Variants in XRN2 observed in about 807,000 individuals in gnomAD.
XRN2 encodes 5'-3' exoribonuclease 2, also known as DHM1-like protein.
Under a neutral mutation model 138.5 loss-of-function variants are expected in XRN2, and 44 were observed. That is an observed-to-expected ratio of 0.32 (90% CI 0.25 to 0.41). The LOEUF (loss-of-function observed/expected upper bound fraction) is 0.41. XRN2 is among the 10% of genes least tolerant of loss of function. The pLI, the probability that XRN2 is intolerant of heterozygous loss-of-function variation, is 1.00. For missense variants in XRN2, 937 were observed against 1,169.3 expected (o/e 0.80, Z 2.90); for synonymous variants, 354 against 369.4 (o/e 0.96, Z 0.48).
Position 21,386,878 on chromosome 20 carries a change from G to A in XRN2, c.2659G>A (p.Ala887Thr). Residue 887 changes from alanine to threonine, a missense_variant, in exon 29 of 30, where the codon GCT becomes ACT. Ala to Thr is a moderately conservative substitution (Grantham distance 58). Transcript: ENST00000377191. The stretch of plus-strand genomic sequence containing the variant: ...GGTACTTTCCTACAGAGGCGTTGGG[G>A]CTGAACCTCTGCTCCCATGGAACCG... ...QQQRFDRGVG[A>T]EPLLPWNRML... The A allele has an allele frequency of 6.2e-7, 1 of 1,612,572 alleles. No homozygotes were observed. Among genetic ancestry groups the A allele is most frequent in the Non-Finnish European group, 8.5e-7 (1 of 1,178,660 alleles).
At chr20:21,320,459 C>G (rs2038023687) in intron 1 of XRN2, among the ~76,000 whole-genome samples, 1 of 151,732 alleles carries the variant, frequency 6.6e-6, no homozygotes, top group African/African-American at 2.4e-5. Flanking sequence ...GCCACCACAT[C>G]CGGCTAATTT....
chr20:21,346,363 C>G, intron 16 of XRN2, 52 bp from the exon 17 acceptor site: 1 of 1,602,196 alleles, frequency 6.2e-7, no homozygotes, highest in Middle Eastern at 1.7e-4. Context: ...AGTAGACAGC[C>G]TGTTACTGAA....
chr20:21,388,992 A>T (rs1020123876), intron 29 of XRN2, among the ~76,000 whole-genome samples: 6 of 152,246 alleles, frequency 3.9e-5, no homozygotes, highest in African/African-American at 1.4e-4. Flanking sequence ...CTGTCTGTAC[A>T]TGTTGTTTAC....
At chr20:21,364,332 G>A (rs751606667) in intron 24 of XRN2, among the ~76,000 whole-genome samples, 10 of 152,098 alleles carry the variant, frequency 6.6e-5, no homozygotes, top group Non-Finnish European at 1.5e-4. Context: ...GTATCCTTAA[G>A]TATAAATCTG....
At chr20:21,334,872 A>G (rs2038263912) in intron 13 of XRN2, among the ~76,000 whole-genome samples, 2 of 152,172 alleles carry the variant, frequency 1.3e-5, no homozygotes, top group Admixed American at 1.3e-4. Flanking sequence ...AGGACACCTG[A>G]GAGGAGAAAA....
At position 21,334,117 on chromosome 20, in the gene XRN2, G is replaced by A; in HGVS notation, c.1165G>A (p.Val389Ile). 1.9e-6 allele frequency: 3 copies of A among 1,614,022 alleles called. No individual in the cohort carries two copies. The highest frequency in any genetic ancestry group is 1.7e-6 in the Non-Finnish European group (2 of 1,179,950). ...TESGYVNLQR[V>I]QMIMLAVGEV... The stretch of plus-strand genomic sequence containing the variant: ...AAGTGGTTATGTCAATCTGCAAAGA[G>A]TACAGATGATCATGTTAGCAGTTGG... Residue 389 changes from valine to isoleucine, a missense_variant, in exon 13 of 30, where the codon GTA becomes ATA. Val to Ile is a conservative substitution (Grantham distance 29). Transcript: ENST00000377191.
In XRN2 at chr20:21,363,228, T is replaced by C. The variant is rs150054841; in HGVS notation, c.2256-2193T>C. Among the ~76,000 whole-genome samples, 581 of 152,294 alleles carry C rather than the reference T, an allele frequency of 3.8e-3. 6 individuals are homozygous for C. The highest frequency in any genetic ancestry group is 0.013 in the African/African-American group (561 of 41,564). On this transcript the variant is annotated intron_variant, in intron 24 of 29. Coordinates refer to ENST00000377191, the MANE Select transcript of XRN2 (RefSeq NM_012255.5). ...GTTGCATTTTCCACTTTCTTCCTTA[T>C]TTCCCTTATTAGAAGGGGAGGCAGG...
At chr20:21,353,661 G>A (rs547249790) in intron 20 of XRN2, among the ~76,000 whole-genome samples, 8 of 151,922 alleles carry the variant, frequency 5.3e-5, no homozygotes, top group Non-Finnish European at 1.0e-4. Context: ...GTGTGGTGGT[G>A]GCATGTGCCT....
chr20:21,336,629 T>C (rs2038298092), intron 13 of XRN2, among the ~76,000 whole-genome samples: 1 of 152,172 alleles, frequency 6.6e-6, no homozygotes, highest in Admixed American at 6.5e-5. Context: ...GTGCTAGTGA[T>C]ACAGCAAAAA....
intron 21 of XRN2, 87 bp downstream of exon 21, chr20:21,354,959 T>G (rs2038558555): frequency 9.2e-7 from 1 of 1,084,386 alleles, no homozygotes; most frequent in Non-Finnish European, 1.3e-6. Flanking sequence ...TTCTCCTGTT[T>G]GTCAGATTTC....
intron 21 of XRN2, 54 bp from the exon 22 acceptor site, chr20:21,356,026 T>A: frequency 7.3e-7 from 1 of 1,375,252 alleles, no homozygotes; most frequent in Non-Finnish European, 1.0e-6. Flanking sequence ...TAAAAATTGG[T>A]CTTGCAGGTA....
intron 23 of XRN2, 82 bp from the exon 24 acceptor site, chr20:21,357,654 A>G: frequency 8.6e-7 from 1 of 1,163,354 alleles, no homozygotes. Flanking sequence ...CTAAAGACTA[A>G]CAAACATAGC....
chr20:21,348,269 T>TA lies in XRN2; in HGVS notation c.1773+19dup, dbSNP rs1197477671. 2 of 1,612,162 alleles carry TA rather than the reference T, an allele frequency of 1.2e-6. No individual in the cohort carries two copies. The highest frequency in any genetic ancestry group is 2.2e-5 in the East Asian group (1 of 44,878). ...TACGAAACCGGTAAGCTTAATTACT[T>TA]AAAGTCATAAAGTTTATAGAATTCT... On this transcript the variant is annotated intron_variant, in intron 18 of 29. Transcript: ENST00000377191.
chr20:21,371,684 A>G (rs2038763566), intron 27 of XRN2, among the ~76,000 whole-genome samples: 1 of 152,196 alleles, frequency 6.6e-6, no homozygotes, highest in African/African-American at 2.4e-5. Context: ...ATTCCTTATC[A>G]GTTTCTTTTT....
At chr20:21,318,476 T>G (rs1423858190) in intron 1 of XRN2, among the ~76,000 whole-genome samples, 1 of 152,134 alleles carries the variant, frequency 6.6e-6, no homozygotes, top group Admixed American at 6.5e-5. Flanking sequence ...GTTTACTCTC[T>G]TTTGGTATCT....
At chr20:21,376,292 GC>G (rs752746852) in intron 27 of XRN2, among the ~76,000 whole-genome samples, 16 of 152,226 alleles carry the variant, frequency 1.1e-4, no homozygotes, top group South Asian at 6.2e-4. Flanking sequence ...GGAGTTTGAG[GC>G]TGCAGTGAGC....
At position 21,306,815 on chromosome 20, in the gene XRN2, C is replaced by T. The variant is rs1466039357; in HGVS notation, c.75+3342C>T. Among the ~76,000 whole-genome samples the T allele has an allele frequency of 1.3e-4, 10 of 75,152 alleles. 4 individuals carry two copies. The highest frequency in any genetic ancestry group is 3.6e-4 in the African/African-American group (10 of 27,406). The allele number at this position is 75,152 out of a possible 152,430, so 49.3% of individuals were successfully genotyped here. ...ACGAGGTCAAGAGATCCAGACCATCCTGGCTAACATGGTGAAACCCCATCT... is the reference window on the plus strand; with the variant it reads ...ACGAGGTCAAGAGATCCAGACCATCTTGGCTAACATGGTGAAACCCCATCT... On this transcript the variant is annotated intron_variant, in intron 1 of 29. Transcript: ENST00000377191.
intron 28 of XRN2, among the ~76,000 whole-genome samples, chr20:21,385,483 AT>A (rs1303887806): frequency 6.6e-6 from 1 of 152,194 alleles, no homozygotes; most frequent in East Asian, 1.9e-4. Context: ...AGCCATATGC[AT>A]TTTCTTTCTG....
At chr20:21,353,558 A>G (rs1427428733) in intron 20 of XRN2, among the ~76,000 whole-genome samples, 1 of 151,946 alleles carries the variant, frequency 6.6e-6, no homozygotes, top group African/African-American at 2.4e-5. Context: ...TGGGAGGCCA[A>G]GTTGGAAGGA....
Sources: gnomAD v4.1 joint callset for allele counts (sites outside exome capture counted in the v4.1 genomes callset) on GRCh38, gnomAD v4.1.1 for gene constraint, MANE v1.5 for transcripts, NCBI Gene and HGNC (gene_info 2026-07-23, HGNC 2026-07-21) for gene names.